Variants in R3HCC1L observed in about 807,000 individuals in gnomAD.
R3HCC1L encodes R3H domain and coiled-coil containing 1 like.
In R3HCC1L, 51 loss-of-function variants were observed where a neutral mutation model predicts 59.9. The ratio of observed to expected loss-of-function variants is 0.85; its 90% confidence interval spans 0.68 to 1.07. The LOEUF (loss-of-function observed/expected upper bound fraction) is 1.07. Ranked by LOEUF, R3HCC1L falls within the 50% of genes least tolerant of loss-of-function variation. The probability of loss-of-function intolerance (pLI) is 0.00; values close to 1 mark genes in which losing one functional copy is unlikely to be tolerated. For synonymous variants in R3HCC1L, 322 were observed against 315.2 expected (o/e 1.02, Z -0.23); for missense variants, 965 against 933.0 (o/e 1.03, Z -0.45).
chr10:98,154,057 C>G (rs1846568582), intron 1 of R3HCC1L, among the ~76,000 whole-genome samples: 1 of 151,998 alleles, frequency 6.6e-6, no homozygotes, highest in East Asian at 1.9e-4. Flanking sequence ...TATCAATATG[C>G]TTAGATCCAG....
At chr10:98,179,935 T>G (rs1192305566) in intron 4 of R3HCC1L, among the ~76,000 whole-genome samples, 1 of 152,190 alleles carries the variant, frequency 6.6e-6, no homozygotes, top group African/African-American at 2.4e-5. Flanking sequence ...TTTTATTGCA[T>G]CTATTTGATT....
intron 4 of R3HCC1L, among the ~76,000 whole-genome samples, chr10:98,201,251 C>T (rs1001141462): frequency 9.9e-5 from 15 of 152,154 alleles, no homozygotes; most frequent in African/African-American, 3.6e-4. Flanking sequence ...AAGATATTTG[C>T]ATTGGCATTT....
intron 5 of R3HCC1L, among the ~76,000 whole-genome samples, chr10:98,229,394 G>T (rs1856082269): frequency 6.6e-6 from 1 of 152,252 alleles, no homozygotes; most frequent in South Asian, 2.1e-4. Context: ...TCTGTTATTG[G>T]TGTGTAGGAA....
At chr10:98,183,450 GTTGT>G (rs1849870069) in intron 4 of R3HCC1L, among the ~76,000 whole-genome samples, 2 of 150,696 alleles carry the variant, frequency 1.3e-5, no homozygotes, top group South Asian at 4.2e-4. Flanking sequence ...TGTTGTTGTT[GTTGT>G]TTGTTTATTT....
At chr10:98,243,867 C>T (rs898610168) in intron 9 of R3HCC1L, among the ~76,000 whole-genome samples, 1 of 152,198 alleles carries the variant, frequency 6.6e-6, no homozygotes, top group Non-Finnish European at 1.5e-5. Flanking sequence ...CTATTAGCCT[C>T]AGATATTTTT....
chr10:98,139,444 G>A (rs1194391413), intron 1 of R3HCC1L, among the ~76,000 whole-genome samples: 1 of 152,202 alleles, frequency 6.6e-6, no homozygotes, highest in African/African-American at 2.4e-5. Flanking sequence ...ACCTATAGGA[G>A]AAGTGAGAAG....
intron 4 of R3HCC1L, among the ~76,000 whole-genome samples, chr10:98,183,160 C>T (rs61875278): frequency 0.18 from 27,864 of 152,132 alleles, 2,693 homozygotes; most frequent in Non-Finnish European, 0.2. Flanking sequence ...TGTTCCTATT[C>T]GGCCGTCTTG....
At chr10:98,193,370 CAAAAAAAATAAAAAAT>C (rs1851065655) in intron 4 of R3HCC1L, among the ~76,000 whole-genome samples, 1 of 149,066 alleles carries the variant, frequency 6.7e-6, no homozygotes, top group Admixed American at 6.7e-5. Context: ...TGTACAAAAC[CAAAAAAAATAAAAAAT>C]AAAAAAAACT....
intron 5 of R3HCC1L, among the ~76,000 whole-genome samples, chr10:98,222,048 A>G (rs1346012476): frequency 1.3e-5 from 2 of 151,964 alleles, no homozygotes; most frequent in Non-Finnish European, 2.9e-5. Context: ...ATCCTTTTTT[A>G]TTTCCTTGAG....
intron 9 of R3HCC1L, among the ~76,000 whole-genome samples, chr10:98,242,285 G>C (rs1044675604): frequency 6.6e-6 from 1 of 152,114 alleles, no homozygotes; most frequent in Non-Finnish European, 1.5e-5. Context: ...GGAGGCGGAG[G>C]TTGCAGTAAG....
rs547664737 is a variant in R3HCC1L at position 98,164,570 on chromosome 10, A to T, written c.-15+1173A>T. ...TTGTACCTGTCTTATTAGGAGTATT[A>T]TTTTTTTTTTTAAGAAGAAACTAAT... is the stretch of plus-strand genomic sequence containing the variant. On this transcript the variant is annotated intron_variant, in intron 4 of 9. Transcript: ENST00000298999. Among the ~76,000 whole-genome samples, 19 of 148,560 alleles carry T rather than the reference A, an allele frequency of 1.3e-4. No homozygotes were observed. The South Asian group carries it at 1.5e-3, about 12-fold the overall frequency.
chr10:98,155,096 A>C (rs895095721), intron 1 of R3HCC1L, among the ~76,000 whole-genome samples: 29 of 152,250 alleles, frequency 1.9e-4, no homozygotes, highest in African/African-American at 7.0e-4. Flanking sequence ...AATTTTACCC[A>C]GTCTTCTATT....
At chr10:98,196,482 C>A (rs1851447066) in intron 4 of R3HCC1L, among the ~76,000 whole-genome samples, 1 of 152,172 alleles carries the variant, frequency 6.6e-6, no homozygotes, top group Admixed American at 6.5e-5. Flanking sequence ...GAAACCTCAA[C>A]CTGCTGGGTT....
rs567728058 is a variant in R3HCC1L at position 98,191,466 on chromosome 10, C to T, written c.-14-16635C>T. Among the ~76,000 whole-genome samples the T allele has an allele frequency of 2.2e-5, 3 of 134,994 alleles. No homozygotes were observed. In the East Asian group the frequency reaches 5.9e-4, roughly 27 times the overall value. The allele number at this position is 134,994 out of a possible 152,430, so 88.6% of individuals were successfully genotyped here. A position where few individuals can be genotyped will look rare whatever the true frequency, so the allele number is the denominator to read the frequency against. Reference sequence around the variant, plus strand: ...ATAGATGTCTTCTTTTGAGAAGTGTCTGTTCATATCCTTTGCCCGCTTTTG... The same window carrying T: ...ATAGATGTCTTCTTTTGAGAAGTGTTTGTTCATATCCTTTGCCCGCTTTTG... On this transcript the variant is annotated intron_variant, in intron 4 of 9. Transcript: ENST00000298999.
At chr10:98,138,415 G>A (rs1419939518) in intron 1 of R3HCC1L, among the ~76,000 whole-genome samples, 1 of 151,608 alleles carries the variant, frequency 6.6e-6, no homozygotes, top group Non-Finnish European at 1.5e-5. Flanking sequence ...CTTTTGGCTG[G>A]GCCTGGTAGC....
chr10:98,141,738 T>C (rs866772657), intron 1 of R3HCC1L, among the ~76,000 whole-genome samples: 1 of 152,190 alleles, frequency 6.6e-6, no homozygotes, highest in Admixed American at 6.5e-5. Context: ...AATTTGAGCT[T>C]CTTTGCAGCA....
intron 4 of R3HCC1L, among the ~76,000 whole-genome samples, chr10:98,199,049 C>A (rs1345664250): frequency 7.5e-6 from 1 of 134,150 alleles, no homozygotes; most frequent in Non-Finnish European, 1.7e-5. Flanking sequence ...GGACATTTTG[C>A]ATTTTTTTGT....
intron 5 of R3HCC1L, among the ~76,000 whole-genome samples, chr10:98,226,445 A>G (rs935837665): frequency 2.0e-5 from 3 of 152,260 alleles, no homozygotes; most frequent in African/African-American, 7.2e-5. Context: ...TCCCATGTTT[A>G]TCTACTGGAG....
intron 6 of R3HCC1L, 118 bp from the exon 7 acceptor site, chr10:98,234,328 A>T: frequency 1.2e-6 from 1 of 865,216 alleles, no homozygotes; most frequent in East Asian, 2.7e-5. Flanking sequence ...TCCCCATTCC[A>T]CCTGTGCACT....
Sources: allele counts gnomAD v4.1 joint callset (sites outside exome capture counted in the v4.1 genomes callset), GRCh38; gene constraint gnomAD v4.1.1; transcripts MANE v1.5; gene names NCBI Gene and HGNC (gene_info 2026-07-23, HGNC 2026-07-21).